C6orf132: variants seen among roughly 807,000 people sequenced by gnomAD.
C6orf132 encodes the protein chromosome 6 open reading frame 132, also known as uncharacterized protein C6orf132.
A neutral mutation model predicts 65.3 loss-of-function variants in C6orf132; 43 were observed. The ratio of observed to expected loss-of-function variants is 0.66; its 90% CI spans 0.52 to 0.85. The LOEUF (loss-of-function observed/expected upper bound fraction) is 0.85. C6orf132 is among the 40% of genes least tolerant of loss of function. C6orf132 has a pLI of 0.00. For synonymous variants in C6orf132, 631 were observed against 654.1 expected, an observed-to-expected ratio of 0.96 and a Z score of 0.54; for missense variants, 1,488 against 1,548.8, an observed-to-expected ratio of 0.96 and a Z score of 0.66.
chr6:42,116,142 C>G (rs1022446864), intron 2 of C6orf132, among the ~76,000 whole-genome samples: 1 of 151,764 alleles, frequency 6.6e-6, no homozygotes, highest in African/African-American at 2.4e-5. Context: ...GTTGGCCAGG[C>G]TGGTCTTGAA....
At position 42,104,656 on chromosome 6, in the gene C6orf132, G is replaced by T; in HGVS notation, c.3256C>A (p.Leu1086Met). The change falls in exon 4 of 5, where the codon CTG becomes ATG. Residue 1086 changes from leucine (L) to methionine (M), a missense_variant. Coordinates refer to ENST00000341865, the MANE Select transcript of C6orf132 (RefSeq NM_001164446.3). This position sits in a 1 kb window ranked among gnomAD's most constrained non-coding sequence, Gnocchi z 4.1. ...GGCCCGAAGCAGTTGGGAGAGCTCA[G>T]GCTGCGGCCGGTGCCACCGTGGGGT... ...GLPHGGTGRSLSSPNCFGPQP... is the reference protein window; with the variant it reads ...GLPHGGTGRSMSSPNCFGPQP... 3 of 1,493,144 alleles carry T rather than the reference G, an allele frequency of 2.0e-6. No homozygotes were observed. Among genetic ancestry groups the T allele is most frequent in the Non-Finnish European group, 2.7e-6 (3 of 1,130,156 alleles). The allele number at this position is 1,493,144 out of a possible 1,614,324, so 92.5% of individuals were successfully genotyped here.
chr6:42,113,572 T>C (rs985475141), intron 2 of C6orf132, among the ~76,000 whole-genome samples: 3 of 152,176 alleles, frequency 2.0e-5, no homozygotes, highest in Non-Finnish European at 4.4e-5. Flanking sequence ...CCCAGCACTT[T>C]GGGAGGCCAA....
chr6:42,125,984 G>T (rs1046121805), intron 2 of C6orf132, among the ~76,000 whole-genome samples: 1 of 151,820 alleles, frequency 6.6e-6, no homozygotes, highest in Admixed American at 6.6e-5. Flanking sequence ...TGCTGCTTTT[G>T]GGGGTGGTCC....
chr6:42,114,929 C>T (rs1210076412), intron 2 of C6orf132, among the ~76,000 whole-genome samples: 1 of 151,810 alleles, frequency 6.6e-6, no homozygotes, highest in Non-Finnish European at 1.5e-5. Flanking sequence ...TTGCTTGAAC[C>T]CAGGAGACAG....
intron 2 of C6orf132, among the ~76,000 whole-genome samples, chr6:42,123,932 C>T (rs1335616857): frequency 6.6e-6 from 1 of 152,222 alleles, no homozygotes; most frequent in African/African-American, 2.4e-5. Context: ...ACCTCCCTTT[C>T]CAGAGGCGGA....
Position 42,107,349 on chromosome 6 carries a change from G to T in C6orf132, c.563C>A (p.Pro188Gln). 1 of 1,183,806 alleles carries T rather than the reference G, an allele frequency of 8.4e-7. No individual in the cohort carries two copies. The highest frequency in any genetic ancestry group is 1.2e-6 in the Non-Finnish European group (1 of 856,954). The allele number at this position is 1,183,806 out of a possible 1,614,324, so 73.3% of individuals were successfully genotyped here. A position where few individuals can be genotyped will look rare whatever the true frequency, so the allele number is the denominator to read the frequency against. ...GGCCTCCAATACTGGGGGTGGAGGT[G>T]GGGCCATGCTGGGCGGGGGTGGGGG... ...LEPPPPPSMA[P>Q]PPPPVLEALS... The change falls in exon 4 of 5, where the codon CCA becomes CAA. Residue 188 changes from proline to glutamine, a missense_variant. Coordinates refer to ENST00000341865, the MANE Select transcript of C6orf132 (RefSeq NM_001164446.3).
intron 2 of C6orf132, among the ~76,000 whole-genome samples, chr6:42,113,881 GC>G (rs997464753): frequency 2.7e-4 from 41 of 152,180 alleles, no homozygotes; most frequent in African/African-American, 8.9e-4. Flanking sequence ...ACTTTGCAGG[GC>G]TATTATGAGA....
intron 2 of C6orf132, among the ~76,000 whole-genome samples, chr6:42,125,674 C>T (rs574552750): frequency 6.6e-6 from 1 of 152,328 alleles, no homozygotes; most frequent in South Asian, 2.1e-4. Flanking sequence ...GGGACTGGTT[C>T]TGAGGCTTGC....
At chr6:42,129,473 G>A (rs892234290) in intron 1 of C6orf132, among the ~76,000 whole-genome samples, 23 of 152,182 alleles carry the variant, frequency 1.5e-4, no homozygotes, top group Non-Finnish European at 2.6e-4. Context: ...TGATAGTGCC[G>A]TATAGCACTG....
Position 42,107,387 on chromosome 6 carries a change from GGGAGGT to G in C6orf132, c.519_524del (p.Pro174_Pro175del). The stretch of plus-strand genomic sequence containing the variant: ...GCGGGGGTGGGGGTTCCAGCAGCAG[GGGAGGT>G]GGTGGGGGTGCTGTGGAAGGTGGAG... On this transcript the variant is annotated inframe_deletion, in exon 4 of 5. Transcript: ENST00000341865. 1.9e-6 allele frequency: 2 copies of G among 1,046,560 alleles called. No individual in the cohort carries two copies. Among genetic ancestry groups the G allele is most frequent in the Non-Finnish European group, 2.7e-6 (2 of 732,358 alleles). The allele number at this position is 1,046,560 out of a possible 1,614,324, so 64.8% of individuals were successfully genotyped here.
intron 1 of C6orf132, among the ~76,000 whole-genome samples, chr6:42,137,568 G>A (rs1271380148): frequency 3.3e-5 from 5 of 152,102 alleles, no homozygotes; most frequent in Admixed American, 1.3e-4. Flanking sequence ...CAGAGGGCAC[G>A]AGGGTCCTCC....
rs1243649768 is a variant in C6orf132 at position 42,101,801 on chromosome 6, G to C, written c.*1960C>G. On this transcript the variant is annotated 3_prime_UTR_variant, in exon 5 of 5. Coordinates refer to ENST00000341865, the MANE Select transcript of C6orf132 (RefSeq NM_001164446.3). ...TACCCCATCAGGGTGGCTGGCCTTG[G>C]TAATCTGGGCATCCACCCACCCCTG... 1 of 152,174 alleles carries C rather than the reference G, an allele frequency of 6.6e-6. No individual in the cohort carries two copies. Among genetic ancestry groups the C allele is most frequent in the Admixed American group, 6.5e-5 (1 of 15,278 alleles). The allele number at this position is 152,174 out of a possible 1,614,324, so 9.4% of individuals were successfully genotyped here.
At chr6:42,115,016 A>AAT (rs1766543855) in intron 2 of C6orf132, among the ~76,000 whole-genome samples, 1 of 148,826 alleles carries the variant, frequency 6.7e-6, no homozygotes, top group African/African-American at 2.5e-5. Flanking sequence ...AAAAAAAAAA[A>AAT]AAAGCCGGGC....
chr6:42,126,888 A>G (rs1185763919), intron 2 of C6orf132: 3 of 423,824 alleles, frequency 7.1e-6, no homozygotes, highest in African/African-American at 6.2e-5. Flanking sequence ...TTTTATCTGC[A>G]TTTATGGGTG....
At chr6:42,138,698 G>C (rs1466167389) in intron 1 of C6orf132, among the ~76,000 whole-genome samples, 5 of 152,132 alleles carry the variant, frequency 3.3e-5, no homozygotes, top group Admixed American at 3.3e-4. Flanking sequence ...GCTGGTGGCG[G>C]GTGCAGCGGT....
In C6orf132 at chr6:42,104,982, TCC is replaced by T; in HGVS notation, c.2928_2929del (p.Glu977GlyfsTer18). 6.6e-7 allele frequency: 1 copy of T among 1,509,526 alleles called. No homozygotes were observed. The highest frequency in any genetic ancestry group is 2.2e-5 in the Admixed American group (1 of 45,836). The allele number at this position is 1,509,526 out of a possible 1,614,324, so 93.5% of individuals were successfully genotyped here. A position where few individuals can be genotyped will look rare whatever the true frequency, so the allele number is the denominator to read the frequency against. ...GACCTCGAAGTTGAACTCCTCCTCC[TCC>T]TCCTCCCTCTTGTTCGAAGGAGAAG... On this transcript the variant is annotated frameshift_variant, in exon 4 of 5. Coordinates refer to ENST00000341865, the MANE Select transcript of C6orf132 (RefSeq NM_001164446.3). LOFTEE classifies it high-confidence loss of function. This position sits in a 1 kb window ranked among gnomAD's most constrained non-coding sequence, Gnocchi z 4.1.
chr6:42,105,648 G>A lies in C6orf132; in HGVS notation c.2264C>T (p.Pro755Leu), dbSNP rs1263592191. The A allele has an allele frequency of 6.5e-7, 1 of 1,537,234 alleles. No individual in the cohort carries two copies. The highest frequency in any genetic ancestry group is 8.7e-7 in the Non-Finnish European group (1 of 1,146,900). The change falls in exon 4 of 5, where the codon CCA (proline) becomes CTA (leucine). Residue 755 changes from proline to leucine, a missense_variant. Pro to Leu is a moderately conservative substitution (Grantham distance 98, BLOSUM62 -3). Transcript: ENST00000341865. The stretch of plus-strand genomic sequence containing the variant: ...TCCTCCACCAGGAGATGTCTTTGGT[G>A]GGAAGGCTGCAGATGAGCGGGCTCC... ...TQGARSSAAF[P>L]PKTSPGGGEV...
In C6orf132 at chr6:42,107,575, AGCT is replaced by A. The variant is rs1766434788; in HGVS notation, c.334_336del (p.Ser113del). On this transcript the variant is annotated inframe_deletion, in exon 4 of 5. Transcript: ENST00000341865. ...AGTCGGAGGTTGCCATTGACTAGTG[AGCT>A]GGTACCTGAAAGAAGGAGAGGCAAA... is the stretch of plus-strand genomic sequence containing the variant. 1 of 1,550,456 alleles carries A rather than the reference AGCT, an allele frequency of 6.4e-7. No individual in the cohort carries two copies. Among genetic ancestry groups the A allele is most frequent in the African/African-American group, 1.4e-5 (1 of 72,818 alleles).
At chr6:42,120,783 G>A (rs924474094) in intron 2 of C6orf132, among the ~76,000 whole-genome samples, 3 of 150,686 alleles carry the variant, frequency 2.0e-5, no homozygotes, top group African/African-American at 2.4e-5. Flanking sequence ...CACCATGCCC[G>A]GCTAATTTTT....
Sources: gnomAD v4.1 joint callset for allele counts (sites outside exome capture counted in the v4.1 genomes callset) on GRCh38, gnomAD v4.1.1 for gene constraint, Gnocchi (gnomAD v3.1) non-coding constraint, MANE v1.5 for transcripts, NCBI Gene and HGNC (gene_info 2026-07-23, HGNC 2026-07-21) for gene names.